The following GPR35 variants were observed in gnomAD, a reference collection of about 807,000 sequenced individuals.
The protein encoded by GPR35 is KYNA receptor.
For missense variants in GPR35, 372 were observed against 422.5 expected, an observed-to-expected ratio of 0.88 and a Z score of 1.05; for synonymous variants, 207 against 198.4, an observed-to-expected ratio of 1.04 and a Z score of -0.36.
chr2:240,632,823 G>A lies in GPR35; in HGVS notation c.*1941G>A, dbSNP rs2043464266. 6.6e-6 allele frequency among the ~76,000 whole-genome samples: 1 copy of A among 152,244 alleles called. No homozygotes were observed. Among genetic ancestry groups the A allele is most frequent in the African/African-American group, 2.4e-5 (1 of 41,464 alleles). On this transcript the variant is annotated 3_prime_UTR_variant, in exon 2 of 2. Transcript: ENST00000407714. The stretch of plus-strand genomic sequence containing the variant: ...CCATGTCCAGAAGAGTCCATACCCA[G>A]GAGGGCTGATATGGTTAGGCTTTGT...
chr2:240,619,232 T>C (rs1394688199), intron 5 of GPR35, among the ~76,000 whole-genome samples: 1 of 152,224 alleles, frequency 6.6e-6, no homozygotes. Context: ...GAAATGGTGT[T>C]GCAGTGAACT....
chr2:240,609,581 T>C (rs2125474196), intron 2 of GPR35, among the ~76,000 whole-genome samples: 2 of 152,376 alleles, frequency 1.3e-5, no homozygotes, highest in South Asian at 4.1e-4. Context: ...GAGAACATAT[T>C]CTGTATAACT....
chr2:240,611,053 C>A (rs1198894794), intron 2 of GPR35, among the ~76,000 whole-genome samples: 1 of 152,200 alleles, frequency 6.6e-6, no homozygotes, highest in Non-Finnish European at 1.5e-5. Context: ...ATGCCTCAGC[C>A]TCCTGAGTAG....
chr2:240,613,054 A>G (rs1349076022), intron 2 of GPR35, among the ~76,000 whole-genome samples: 2 of 152,246 alleles, frequency 1.3e-5, no homozygotes, highest in Non-Finnish European at 2.9e-5. Flanking sequence ...CAACTGTAAC[A>G]TGAGCTGTGG....
upstream of GPR35, among the ~76,000 whole-genome samples, chr2:240,621,683 CAGGA>C (rs201979625): frequency 3.6e-3 from 552 of 151,758 alleles, 9 homozygotes; most frequent in East Asian, 0.013. Context: ...GGGTCTCACT[CAGGA>C]AGGAAGTGGA....
Position 240,630,297 on chromosome 2 carries a change from T to TGTGGCCGTGCGGCACCCGCTGC in GPR35, c.349_370dup (p.Ala124GlyfsTer180). ...TCACGGCCATCGCCGTGGACCGCTATGTGGCCGTGCGGCACCCGCTGCGTG... is the reference window on the plus strand; with the variant it reads ...TCACGGCCATCGCCGTGGACCGCTATGTGGCCGTGCGGCACCCGCTGCGTGGCCGTGCGGCACCCGCTGCGTG... On this transcript the variant is annotated frameshift_variant, in exon 2 of 2. Coordinates refer to ENST00000407714, the MANE Select transcript of GPR35 (RefSeq NM_005301.5). LOFTEE classifies it low-confidence loss of function (END_TRUNC). 6.3e-7 allele frequency: 1 copy of TGTGGCCGTGCGGCACCCGCTGC among 1,576,254 alleles called. No individual in the cohort carries two copies. The highest frequency in any genetic ancestry group is 8.6e-7 in the Non-Finnish European group (1 of 1,166,538).
chr2:240,625,782 A>AGGGTGAGGCTGTGATGGGGTCTCAGAGTG (rs1559438631), intron 1 of GPR35, among the ~76,000 whole-genome samples: 41 of 11,046 alleles, frequency 3.7e-3, no homozygotes, highest in African/African-American at 0.02. Context: ...GTCTCAGAGC[A>AGGGTGAGGCTGTGATGGGGTCTCAGAGTG]GGGTGAGGCT....
Position 240,630,566 on chromosome 2 carries a change from A to G in GPR35, c.614A>G (p.Asp205Gly), listed in dbSNP as rs2043432335. 1 of 1,612,638 alleles carries G rather than the reference A, an allele frequency of 6.2e-7. No individual in the cohort carries two copies. Among genetic ancestry groups the G allele is most frequent in the South Asian group, 1.1e-5 (1 of 91,070 alleles). ...VTALAQRPPT[D>G]VGQAEATRKA... is the part of the protein sequence containing the mutation. ...GCCCTGGCCCAGAGGCCACCCACCG[A>G]CGTGGGGCAGGCAGAGGCCACCCGC... The change falls in exon 2 of 2, where the codon GAC becomes GGC. Residue 205 changes from aspartate to glycine, a missense_variant. By Grantham distance (94) the Asp-to-Gly change is moderately conservative. Transcript: ENST00000407714.
At chr2:240,620,086 GA>G (rs1252287140) in intron 5 of GPR35, among the ~76,000 whole-genome samples, 6 of 152,192 alleles carry the variant, frequency 3.9e-5, no homozygotes, top group Admixed American at 1.3e-4. Flanking sequence ...CAAGAAAAGG[GA>G]AAGCCGCTGG....
intron 2 of GPR35, among the ~76,000 whole-genome samples, chr2:240,610,115 G>A (rs2043168283): frequency 6.6e-6 from 1 of 151,700 alleles, no homozygotes; most frequent in African/African-American, 2.4e-5. Context: ...GCCCACCACT[G>A]CGCCTGGCTA....
chr2:240,613,780 C>A (rs550485611), intron 2 of GPR35, among the ~76,000 whole-genome samples: 1 of 149,590 alleles, frequency 6.7e-6, no homozygotes, highest in Non-Finnish European at 1.5e-5. Flanking sequence ...CTAACTCTAA[C>A]CCTAACCCTA....
chr2:240,613,707 C>G (rs1415322660), intron 2 of GPR35, among the ~76,000 whole-genome samples: 1 of 151,876 alleles, frequency 6.6e-6, no homozygotes, highest in African/African-American at 2.4e-5. Flanking sequence ...CCACCCTATT[C>G]CGAACCTTAA....
At chr2:240,620,335 A>G (rs2043279150) in intron 5 of GPR35, among the ~76,000 whole-genome samples, 1 of 152,084 alleles carries the variant, frequency 6.6e-6, no homozygotes. Context: ...ATGCCTCGAC[A>G]CCCCATAGGC....
chr2:240,632,333 A>T lies in GPR35; in HGVS notation c.*1451A>T, dbSNP rs1472299298. Among the ~76,000 whole-genome samples the T allele has an allele frequency of 6.7e-6, 1 of 149,838 alleles. No homozygotes were observed. Among genetic ancestry groups the T allele is most frequent in the African/African-American group, 2.5e-5 (1 of 40,458 alleles). ...GAGGGCCCTGTGCTCAGGAGGATAC[A>T]TGTCCAGGAGTGTCCCTGTCCAGGA... On this transcript the variant is annotated 3_prime_UTR_variant, in exon 2 of 2. Transcript: ENST00000407714.
Position 240,632,110 on chromosome 2 carries a change from G to T in GPR35, c.*1228G>T, listed in dbSNP as rs1217799058. Among the ~76,000 whole-genome samples, 2 of 151,956 alleles carry T rather than the reference G, an allele frequency of 1.3e-5. No individual in the cohort carries two copies. Among genetic ancestry groups the T allele is most frequent in the African/African-American group, 2.4e-5 (1 of 41,328 alleles). ...GCAGGAGGGCCTCATTCCCAGGAGG[G>T]TCCCGTGCCCAGGAGGGCTCTATGC... On this transcript the variant is annotated 3_prime_UTR_variant, in exon 2 of 2. Coordinates refer to ENST00000407714, the MANE Select transcript of GPR35 (RefSeq NM_005301.5).
chr2:240,623,348 C>CGCAAACAGGTCATGAGGGT (rs2043323590), upstream of GPR35, among the ~76,000 whole-genome samples: 3 of 94,198 alleles, frequency 3.2e-5, no homozygotes, highest in Admixed American at 2.1e-4. Context: ...GTCGTGAGGG[C>CGCAAACAGGTCATGAGGGT]GCAAACAGGT....
chr2:240,618,447 A>G lies in GPR35; in HGVS notation c.-148-441A>G, dbSNP rs141171848. Among the ~76,000 whole-genome samples, 1,239 of 152,340 alleles carry G rather than the reference A, an allele frequency of 8.1e-3. 16 individuals are homozygous for G. Among genetic ancestry groups the G allele is most frequent in the African/African-American group, 0.028 (1,176 of 41,582 alleles). On this transcript the variant is annotated intron_variant, in intron 4 of 5. Transcript: ENST00000319838. ...CCATTCTTTCTTGTTGTCAGGCTAT[A>G]TGGATATACATCCAAATGACTGGAT...
intron 2 of GPR35, among the ~76,000 whole-genome samples, chr2:240,608,259 G>A (rs1342944463): frequency 6.6e-6 from 1 of 152,082 alleles, no homozygotes; most frequent in East Asian, 1.9e-4. Flanking sequence ...TTTTCTATCT[G>A]CTTTTTTCCC....
chr2:240,617,867 C>G (rs2043255625), intron 4 of GPR35, among the ~76,000 whole-genome samples: 1 of 152,248 alleles, frequency 6.6e-6, no homozygotes, highest in Admixed American at 6.5e-5. Flanking sequence ...TTGACAGCTA[C>G]TTTGTTCTCT....
Sources: allele counts gnomAD v4.1 joint callset (sites outside exome capture counted in the v4.1 genomes callset), GRCh38; gene constraint gnomAD v4.1.1; transcripts MANE v1.5; gene names NCBI Gene and HGNC (gene_info 2026-07-23, HGNC 2026-07-21).